Variants in TEKT5 observed in about 807,000 individuals in gnomAD.
The protein encoded by TEKT5 is tektin 5.
TEKT5 carries 52 observed loss-of-function variants against 48.7 expected under a neutral mutation model. That is an observed-to-expected ratio of 1.07 (90% CI 0.86 to 1.35). TEKT5 has a LOEUF of 1.35. Ranked by LOEUF, TEKT5 falls within the 40% of genes most tolerant of loss-of-function variation. The pLI, the probability that TEKT5 is intolerant of heterozygous loss-of-function variation, is 0.00. For synonymous variants in TEKT5, 318 were observed against 267.6 expected (o/e 1.19, Z -1.84); for missense variants, 831 against 641.6 (o/e 1.30, Z -3.19).
intron 5 of TEKT5, among the ~76,000 whole-genome samples, chr16:10,671,223 G>A (rs1898543533): frequency 6.6e-6 from 1 of 152,180 alleles, no homozygotes; most frequent in South Asian, 2.1e-4. Context: ...CTGTTTCACA[G>A]GTGAGAAACC....
intron 5 of TEKT5, among the ~76,000 whole-genome samples, chr16:10,639,921 G>A (rs1440585147): frequency 6.6e-6 from 1 of 152,114 alleles, no homozygotes; most frequent in Non-Finnish European, 1.5e-5. Flanking sequence ...CTGGAGGCTG[G>A]CACTGCCTCA....
intron 6 of TEKT5, among the ~76,000 whole-genome samples, chr16:10,634,675 T>G (rs1028278536): frequency 3.3e-5 from 5 of 152,154 alleles, no homozygotes; most frequent in African/African-American, 4.8e-5. Flanking sequence ...TACAAAAGAC[T>G]GTGACATCCT....
chr16:10,628,965 A>G (rs927369815), intron 6 of TEKT5, among the ~76,000 whole-genome samples: 4 of 152,148 alleles, frequency 2.6e-5, no homozygotes, highest in African/African-American at 9.7e-5. Flanking sequence ...ATGAACCTTG[A>G]AAAACATGAT....
chr16:10,673,646 AT>A (rs60322821), intron 5 of TEKT5, among the ~76,000 whole-genome samples: 4,081 of 105,700 alleles, frequency 0.039, 110 homozygotes, highest in African/African-American at 0.12. Context: ...CACCCATTCT[AT>A]TTTTTTTTTT....
chr16:10,641,246 G>T (rs1379386441), intron 5 of TEKT5, among the ~76,000 whole-genome samples: 1 of 152,188 alleles, frequency 6.6e-6, no homozygotes, highest in Non-Finnish European at 1.5e-5. Context: ...AGAGAAGCAT[G>T]TGGATTAGCC....
chr16:10,672,737 A>G (rs1898568982), intron 5 of TEKT5, among the ~76,000 whole-genome samples: 1 of 152,236 alleles, frequency 6.6e-6, no homozygotes, highest in Admixed American at 6.5e-5. Flanking sequence ...ATCAACTAGT[A>G]CATTAAGATC....
intron 6 of TEKT5, 131 bp downstream of exon 6, chr16:10,635,632 TG>T: frequency 7.3e-7 from 1 of 1,365,904 alleles, no homozygotes; most frequent in Non-Finnish European, 1.0e-6. Flanking sequence ...TACTGAGTTG[TG>T]GGACTGGATG....
chr16:10,652,640 A>C (rs1315341278), intron 5 of TEKT5, among the ~76,000 whole-genome samples: 489 of 37,828 alleles, frequency 0.013, 58 homozygotes, highest in African/African-American at 0.061. Flanking sequence ...ACACACACAC[A>C]CCCTCCAGGC....
intron 4 of TEKT5, among the ~76,000 whole-genome samples, chr16:10,680,915 C>T (rs1477424754): frequency 6.7e-6 from 1 of 149,200 alleles, no homozygotes; most frequent in African/African-American, 2.5e-5. Context: ...TGCTAGATGA[C>T]GATTTAGTGG....
intron 6 of TEKT5, among the ~76,000 whole-genome samples, chr16:10,630,544 A>G (rs1897824565): frequency 6.6e-6 from 1 of 152,210 alleles, no homozygotes; most frequent in South Asian, 2.1e-4. Flanking sequence ...ACTTAGCTGG[A>G]CATGTTGAAG....
chr16:10,694,572 T>C lies in TEKT5; in HGVS notation c.302A>G (p.Gln101Arg). 6 of 1,603,504 alleles carry C rather than the reference T, an allele frequency of 3.7e-6. No individual in the cohort carries two copies. The highest frequency in any genetic ancestry group is 5.1e-6 in the Non-Finnish European group (6 of 1,174,664). The change falls in exon 1 of 7, where the codon CAG becomes CGG. Residue 101 changes from glutamine (Q) to arginine (R), a missense_variant. Gln to Arg is a conservative substitution (Grantham distance 43). Transcript: ENST00000283025. ...PHDWDQSNQL[Q>R]VRGAEASRLW... is the part of the protein sequence containing the mutation. ...CCGGGAGGCCTCGGCCCCACGCACC[T>C]GCAGCTGGTTGGACTGGTCCCAGTC...
At chr16:10,636,489 C>T (rs1897915384) in intron 5 of TEKT5, among the ~76,000 whole-genome samples, 2 of 152,006 alleles carry the variant, frequency 1.3e-5, no homozygotes, top group African/African-American at 4.8e-5. Context: ...TGTTCTGAAC[C>T]TCCAATAGCC....
intron 5 of TEKT5, among the ~76,000 whole-genome samples, chr16:10,650,920 G>A (rs1348234287): frequency 6.6e-6 from 1 of 151,946 alleles, no homozygotes; most frequent in East Asian, 1.9e-4. Context: ...TGTATCTGGG[G>A]GGCAGCCCCT....
In TEKT5 at chr16:10,627,597, C is replaced by A; in HGVS notation, c.1444G>T (p.Val482Leu). Residue 482 changes from valine (V) to leucine (L), a missense_variant, in exon 7 of 7, where the codon GTG becomes TTG. Coordinates refer to ENST00000283025, the MANE Select transcript of TEKT5 (RefSeq NM_144674.2). Reference protein sequence around the residue: ...RKTFPCTPRLVGHT With the variant: ...RKTFPCTPRLLGHT The stretch of plus-strand genomic sequence containing the variant: ...CAGGGCGGTGCTCAGGTGTGGCCCA[C>A]CAGGCGCGGGGTGCAGGGGAAGGTC... 1 of 1,614,136 alleles carries A rather than the reference C, an allele frequency of 6.2e-7. No individual in the cohort carries two copies. The highest frequency in any genetic ancestry group is 8.5e-7 in the Non-Finnish European group (1 of 1,179,972).
intron 3 of TEKT5, among the ~76,000 whole-genome samples, chr16:10,688,836 C>A (rs956586525): frequency 1.5e-4 from 23 of 152,334 alleles, no homozygotes; most frequent in African/African-American, 5.5e-4. Context: ...CCTGGCCTTG[C>A]TACCTAATAC....
intron 5 of TEKT5, among the ~76,000 whole-genome samples, chr16:10,673,956 C>T (rs886831362): frequency 6.6e-6 from 1 of 152,046 alleles, no homozygotes; most frequent in Non-Finnish European, 1.5e-5. Context: ...CCGGCCGCTG[C>T]ATCCATTCTT....
At chr16:10,648,725 C>G (rs2142271574) in intron 5 of TEKT5, among the ~76,000 whole-genome samples, 1 of 152,306 alleles carries the variant, frequency 6.6e-6, no homozygotes, top group East Asian at 1.9e-4. Context: ...CATGAGGCCC[C>G]ACGTGGTGCC....
intron 6 of TEKT5, among the ~76,000 whole-genome samples, chr16:10,631,415 AG>A (rs1195943653): frequency 6.6e-6 from 1 of 151,506 alleles, no homozygotes; most frequent in Non-Finnish European, 1.5e-5. Context: ...GATAACCTCC[AG>A]GCTGCTGTGT....
chr16:10,653,684 G>C (rs771667071), intron 5 of TEKT5, among the ~76,000 whole-genome samples: 1 of 152,280 alleles, frequency 6.6e-6, no homozygotes, highest in East Asian at 1.9e-4. Context: ...AGGCCAAGGT[G>C]GGGAGATCAC....
Sources: gnomAD v4.1 joint callset for allele counts (sites outside exome capture counted in the v4.1 genomes callset) on GRCh38, gnomAD v4.1.1 for gene constraint, MANE v1.5 for transcripts, NCBI Gene and HGNC (gene_info 2026-07-23, HGNC 2026-07-21) for gene names.